RPS6KC1: variants seen among roughly 807,000 people sequenced by gnomAD.
RPS6KC1 encodes ribosomal protein S6 kinase C1, also known as inactive ribosomal protein S6 kinase delta-1.
In RPS6KC1, 54 loss-of-function variants were observed where a neutral mutation model predicts 103.8. The ratio of observed to expected loss-of-function variants is 0.52; its 90% CI spans 0.42 to 0.65. The LOEUF (loss-of-function observed/expected upper bound fraction) is 0.65, where lower values mean the gene tolerates loss of function less well. RPS6KC1 is among the 30% of genes least tolerant of loss of function. The probability of loss-of-function intolerance (pLI) is 0.00; values close to 1 mark genes in which losing one functional copy is unlikely to be tolerated. For synonymous variants in RPS6KC1, 439 were observed against 438.7 expected, an observed-to-expected ratio of 1.00 and a Z score of -0.01; for missense variants, 1,151 against 1,253.8, an observed-to-expected ratio of 0.92 and a Z score of 1.24.
intron 4 of RPS6KC1, among the ~76,000 whole-genome samples, chr1:213,106,689 T>C (rs1318112241): frequency 6.6e-6 from 1 of 152,186 alleles, no homozygotes; most frequent in East Asian, 1.9e-4. Flanking sequence ...CTTGCTTACA[T>C]TGACTTTAAA....
At chr1:213,285,952 C>T in the RPS6KC1 span, among the ~76,000 whole-genome samples, 3 of 152,170 alleles carry the variant, frequency 2.0e-5, no homozygotes, top group Non-Finnish European at 4.4e-5. Context: ...CTGGGCTTCC[C>T]ATCCTCCAGA....
the RPS6KC1 span, among the ~76,000 whole-genome samples, chr1:213,413,017 T>G: frequency 6.6e-6 from 1 of 152,238 alleles, no homozygotes; most frequent in Non-Finnish European, 1.5e-5. Flanking sequence ...ATCTTAAACA[T>G]GTTAAACATT....
At chr1:213,255,368 T>C (rs1427867888) in intron 12 of RPS6KC1, among the ~76,000 whole-genome samples, 1 of 152,008 alleles carries the variant, frequency 6.6e-6, no homozygotes, top group African/African-American at 2.4e-5. Context: ...TCTACTTGTT[T>C]CTAGAGATTT....
At chr1:213,442,604 TTAAC>T in the RPS6KC1 span, among the ~76,000 whole-genome samples, 2 of 152,206 alleles carry the variant, frequency 1.3e-5, no homozygotes, top group African/African-American at 4.8e-5. Flanking sequence ...GTGGAGAGGA[TTAAC>T]TACTACAATG....
At chr1:213,636,509 T>G in the RPS6KC1 span, among the ~76,000 whole-genome samples, 1 of 152,096 alleles carries the variant, frequency 6.6e-6, no homozygotes. Context: ...AAACAAGAAA[T>G]GGGGAAAGGA....
chr1:213,706,033 A>ACC, the RPS6KC1 span, among the ~76,000 whole-genome samples: 2 of 152,042 alleles, frequency 1.3e-5, no homozygotes, highest in African/African-American at 4.8e-5. Flanking sequence ...TGGAGTCATG[A>ACC]GCTGTGCAAC....
chr1:213,210,671 A>G lies in RPS6KC1; in HGVS notation c.1045-19826A>G, dbSNP rs542965736. 1.2e-4 allele frequency among the ~76,000 whole-genome samples: 19 copies of G among 152,380 alleles called. No homozygotes were observed. In the South Asian group the frequency reaches 3.9e-3, roughly 32 times the overall value. ...TTATACTCAATAAATTTTCTAGGTC[A>G]TTTAAAAATAATGTTAAATTTTAAT... On this transcript the variant is annotated intron_variant, in intron 8 of 14. Coordinates refer to ENST00000366960, the MANE Select transcript of RPS6KC1 (RefSeq NM_012424.6).
At chr1:213,097,925 C>T (rs1225726834) in intron 3 of RPS6KC1, among the ~76,000 whole-genome samples, 3 of 152,190 alleles carry the variant, frequency 2.0e-5, no homozygotes, top group African/African-American at 7.2e-5. Context: ...TAGGGCCTTG[C>T]TCTGGAGTAT....
chr1:213,469,100 G>C, the RPS6KC1 span, among the ~76,000 whole-genome samples: 2 of 151,994 alleles, frequency 1.3e-5, no homozygotes, highest in African/African-American at 4.8e-5. Context: ...TTTTGTCTTT[G>C]TCCTTTACTG....
chr1:213,621,123 C>G, the RPS6KC1 span, among the ~76,000 whole-genome samples: 2 of 152,196 alleles, frequency 1.3e-5, no homozygotes, highest in South Asian at 2.1e-4. Context: ...ACAACCCTGC[C>G]TTCTCTGCCC....
At chr1:213,322,736 CCTT>C in the RPS6KC1 span, among the ~76,000 whole-genome samples, 4 of 151,658 alleles carry the variant, frequency 2.6e-5, no homozygotes, top group Admixed American at 6.6e-5. Context: ...TTTTCTTTCT[CCTT>C]CTTCTTTATT....
chr1:213,831,447 A>G, the RPS6KC1 span, among the ~76,000 whole-genome samples: 1 of 152,230 alleles, frequency 6.6e-6, no homozygotes, highest in Non-Finnish European at 1.5e-5. Flanking sequence ...GCAAAAGGCC[A>G]GGCAATGAGT....
the RPS6KC1 span, among the ~76,000 whole-genome samples, chr1:213,740,467 G>A: frequency 6.6e-6 from 1 of 152,042 alleles, no homozygotes; most frequent in African/African-American, 2.4e-5. Flanking sequence ...GCTGGCATTT[G>A]CAACTAGACT....
chr1:213,287,353 A>G, the RPS6KC1 span, among the ~76,000 whole-genome samples: 1 of 152,020 alleles, frequency 6.6e-6, no homozygotes, highest in Non-Finnish European at 1.5e-5. Context: ...CTACAGGGCT[A>G]CTGCTAGCCT....
Position 213,272,966 on chromosome 1 carries a change from G to A in RPS6KC1, c.*332G>A, listed in dbSNP as rs185923099. 369 of 184,322 alleles carry A rather than the reference G, an allele frequency of 2.0e-3. No individual in the cohort carries two copies. The highest frequency in any genetic ancestry group is 3.9e-3 in the Admixed American group (72 of 18,312). 11.4% of individuals were successfully genotyped at this position (184,322 alleles called of 1,614,324 possible). On this transcript the variant is annotated 3_prime_UTR_variant, in exon 15 of 15. Coordinates refer to ENST00000366960, the MANE Select transcript of RPS6KC1 (RefSeq NM_012424.6). Reference sequence around the variant, plus strand: ...TGATAGGAAGCTAGAAGTGTAGAATGAAGTTTTACTTGACAGAAGGACCTT... The same window carrying A: ...TGATAGGAAGCTAGAAGTGTAGAATAAAGTTTTACTTGACAGAAGGACCTT...
chr1:213,478,017 G>GC, the RPS6KC1 span, among the ~76,000 whole-genome samples: 1 of 151,972 alleles, frequency 6.6e-6, no homozygotes, highest in South Asian at 2.1e-4. Flanking sequence ...AATCCTCTGC[G>GC]CTCTGCCTAT....
intron 1 of RPS6KC1, among the ~76,000 whole-genome samples, chr1:213,062,564 C>CTT (rs949827976): frequency 6.9e-6 from 1 of 145,102 alleles, no homozygotes; most frequent in African/African-American, 2.5e-5. Flanking sequence ...GCTTTTGAAT[C>CTT]TTTTTTTTTT....
intron 6 of RPS6KC1, among the ~76,000 whole-genome samples, chr1:213,157,400 G>C (rs1188238809): frequency 6.6e-6 from 1 of 151,828 alleles, no homozygotes; most frequent in Non-Finnish European, 1.5e-5. Context: ...GTAGAGACGG[G>C]GTTTCACCGT....
chr1:213,117,272 T>C (rs1473971879), intron 4 of RPS6KC1, 45 bp from the exon 5 acceptor site: 2 of 1,132,902 alleles, frequency 1.8e-6, no homozygotes, highest in Admixed American at 3.8e-5. Flanking sequence ...TAGTGTTGTT[T>C]ATGCTCTTAA....
Sources: gnomAD v4.1 joint callset for allele counts (sites outside exome capture counted in the v4.1 genomes callset) on GRCh38, gnomAD v4.1.1 for gene constraint, MANE v1.5 for transcripts, NCBI Gene and HGNC (gene_info 2026-07-23, HGNC 2026-07-21) for gene names.